PER3: variants seen among roughly 807,000 people sequenced by gnomAD.
PER3 encodes the protein period circadian regulator 3, also known as period circadian protein homolog 3.
PER3 carries 107 observed loss-of-function variants against 127.2 expected under a neutral mutation model. The observed-to-expected ratio is 0.84, with a 90% CI of 0.72 to 0.99. The LOEUF is 0.99. PER3 is among the 50% of genes least tolerant of loss of function. The pLI, the probability that PER3 is intolerant of heterozygous loss-of-function variation, is 0.00. For synonymous variants in PER3, 618 were observed against 585.8 expected (o/e 1.05, Z -0.79); for missense variants, 1,560 against 1,525.8 (o/e 1.02, Z -0.37).
At position 7,803,737 on chromosome 1, in the gene PER3, G is replaced by A. The variant is rs754761909; in HGVS notation, c.1025G>A (p.Arg342Gln). ...GHPPFEHSPIRFCTQNGDYII... is the reference protein window; with the variant it reads ...GHPPFEHSPIQFCTQNGDYII... Reference sequence around the variant, plus strand: ...CCTCCCTTTGAACATTCTCCCATTCGATTTTGTACTCAAAACGGAGACTAC... The same window carrying A: ...CCTCCCTTTGAACATTCTCCCATTCAATTTTGTACTCAAAACGGAGACTAC... The change falls in exon 10 of 22, where the codon CGA becomes CAA. Residue 342 changes from arginine to glutamine, a missense_variant. This residue lies in a region of PER3 where 1,332 missense variants were observed against 1,223.6 expected (regional missense o/e 1.09). Transcript: ENST00000377532. 1.4e-5 allele frequency: 23 copies of A among 1,609,332 alleles called. No homozygotes were observed. Among genetic ancestry groups the A allele is most frequent in the East Asian group, 4.5e-5 (2 of 44,864 alleles).
At chr1:7,812,260 C>T (rs1303203792) in intron 13 of PER3, among the ~76,000 whole-genome samples, 7 of 128,570 alleles carry the variant, frequency 5.4e-5, no homozygotes, top group African/African-American at 1.0e-4. Context: ...GTAATGCCAT[C>T]GGTACTATTT....
intron 13 of PER3, among the ~76,000 whole-genome samples, chr1:7,811,092 T>C (rs2097217284): frequency 6.6e-6 from 1 of 152,224 alleles, no homozygotes; most frequent in African/African-American, 2.4e-5. Context: ...GTAGTAAAAC[T>C]GGCATCATAT....
chr1:7,809,921 A>G lies in PER3; in HGVS notation c.1271A>G (p.Tyr424Cys). 1.2e-6 allele frequency: 2 copies of G among 1,614,138 alleles called. No individual in the cohort carries two copies. Among genetic ancestry groups the G allele is most frequent in the Non-Finnish European group, 1.7e-6 (2 of 1,179,998 alleles). The change falls in exon 12 of 22, where the codon TAC becomes TGC. Residue 424 changes from tyrosine (Y) to cysteine (C), a missense_variant. Tyr to Cys is a radical substitution (Grantham distance 194). Coordinates refer to ENST00000377532, the MANE Select transcript of PER3 (RefSeq NM_001377275.1). ...QPVHVSVSSG[Y>C]GSLGSSGSQE... is the part of the protein sequence containing the mutation. Reference sequence around the variant, plus strand: ...GTTCACGTGAGCGTGTCCAGCGGCTACGGGAGCCTGGGGAGCAGCGGGTCG... The same window carrying G: ...GTTCACGTGAGCGTGTCCAGCGGCTGCGGGAGCCTGGGGAGCAGCGGGTCG...
chr1:7,791,170 G>A (rs1164490237), intron 5 of PER3, among the ~76,000 whole-genome samples: 2 of 151,962 alleles, frequency 1.3e-5, no homozygotes, highest in Non-Finnish European at 2.9e-5. Flanking sequence ...ATCTCTCTTA[G>A]CAGAGGTTCT....
chr1:7,826,787 G>A lies in PER3; in HGVS notation c.2188+77G>A. On this transcript the variant is annotated intron_variant, in intron 17 of 21. Coordinates refer to ENST00000377532, the MANE Select transcript of PER3 (RefSeq NM_001377275.1). This position sits in a 1 kb window ranked among gnomAD's most constrained non-coding sequence, Gnocchi z 4.2. ...CTGTATCTAAGGACTAGGAGATAAG[G>A]AGTGAACAATAGGAGTTTTACTTGT... is the stretch of plus-strand genomic sequence containing the variant. 1.2e-6 allele frequency: 1 copy of A among 854,170 alleles called. No homozygotes were observed. The highest frequency in any genetic ancestry group is 1.5e-5 in the South Asian group (1 of 67,596). 52.9% of individuals were successfully genotyped at this position (854,170 alleles called of 1,614,324 possible).
rs546798928 is a variant in PER3, at chr1:7,804,497, C to T, written c.1136+649C>T. Among the ~76,000 whole-genome samples, 4 of 151,052 alleles carry T rather than the reference C, an allele frequency of 2.6e-5. No homozygotes were observed. In the East Asian group the frequency reaches 7.8e-4, roughly 30 times the overall value. ...TCAGTGCAGCCTTAACCTCCCCTGG[C>T]TCAGGTGATCCTCCCACTTCAGCCT... On this transcript the variant is annotated intron_variant, in intron 10 of 21. Coordinates refer to ENST00000377532, the MANE Select transcript of PER3 (RefSeq NM_001377275.1).
In PER3 at chr1:7,826,409, C is replaced by T; in HGVS notation, c.1958-71C>T. Reference sequence around the variant, plus strand: ...ATGTTTGTAAAAATGTATCAAAAGGCAGTTAACAAAGTAAAATAAATACAA... The same window carrying T: ...ATGTTTGTAAAAATGTATCAAAAGGTAGTTAACAAAGTAAAATAAATACAA... On this transcript the variant is annotated intron_variant, in intron 16 of 21. Coordinates refer to ENST00000377532, the MANE Select transcript of PER3 (RefSeq NM_001377275.1). This position sits in a 1 kb window ranked among gnomAD's most constrained non-coding sequence, Gnocchi z 4.2. 1.2e-6 allele frequency: 1 copy of T among 820,168 alleles called. No individual in the cohort carries two copies. Among genetic ancestry groups the T allele is most frequent in the Non-Finnish European group, 2.0e-6 (1 of 489,274 alleles). 50.8% of individuals were successfully genotyped at this position (820,168 alleles called of 1,614,324 possible). A position where few individuals can be genotyped will look rare whatever the true frequency, so the allele number is the denominator to read the frequency against.
At chr1:7,820,367 G>C in intron 15 of PER3, 100 bp from the exon 16 acceptor site, 2 of 1,411,444 alleles carry the variant, frequency 1.4e-6, no homozygotes, top group East Asian at 4.7e-5. Context: ...TGACAGTAAG[G>C]TTTAATTTCT....
At chr1:7,830,916 A>G (rs2097328675) in intron 19 of PER3, among the ~76,000 whole-genome samples, 1 of 152,196 alleles carries the variant, frequency 6.6e-6, no homozygotes, top group Non-Finnish European at 1.5e-5. Flanking sequence ...AAGTCCTTCA[A>G]CTTAATTCTT....
At position 7,784,730 on chromosome 1, in the gene PER3, C is replaced by CCA; in HGVS notation, c.-147_-146insAC. Reference sequence around the variant, plus strand: ...AAAAGCTCCTCGGAGATGAGCGTGACCCCCTGGCTCGTGGTGGCCGCCTGT... The same window carrying CCA: ...AAAAGCTCCTCGGAGATGAGCGTGACCACCCCTGGCTCGTGGTGGCCGCCTGT... On this transcript the variant is annotated 5_prime_UTR_variant, in exon 2 of 22. The change abolishes the stop of an existing upstream ORF in the 5' untranslated region. Transcript: ENST00000377532. The CCA allele has an allele frequency of 1.3e-6, 1 of 744,216 alleles. No individual in the cohort carries two copies. Among genetic ancestry groups the CCA allele is most frequent in the Non-Finnish European group, 2.0e-6 (1 of 510,484 alleles). 46.1% of individuals were successfully genotyped at this position (744,216 alleles called of 1,614,324 possible). A position where few individuals can be genotyped will look rare whatever the true frequency, so the allele number is the denominator to read the frequency against.
intron 4 of PER3, chr1:7,787,632 G>A (rs1029539007): frequency 1.3e-5 from 4 of 299,046 alleles, no homozygotes; most frequent in South Asian, 1.2e-4. Flanking sequence ...GAAAAAATTA[G>A]AGCAGTGATG....
rs745794602 is a variant in PER3, at chr1:7,827,443, C to G, written c.2514C>G (p.Ser838=). ...AAGGCCTGCATGGGCTGCCCTTGTC[C>G]GAGGGCTTGCAGCCTTACCCAGCTT... The part of the protein sequence containing the change: ...APEGLHGLPL[S]EGLQPYPAFP... The change falls in exon 18 of 22, where the codon TCC becomes TCG. Residue 838 remains serine, a synonymous_variant. Coordinates refer to ENST00000377532, the MANE Select transcript of PER3 (RefSeq NM_001377275.1). The G allele has an allele frequency of 2.5e-6, 4 of 1,614,212 alleles. No individual in the cohort carries two copies. Among genetic ancestry groups the G allele is most frequent in the Non-Finnish European group, 3.4e-6 (4 of 1,180,022 alleles).
chr1:7,799,628 AAAG>A (rs2097161371), intron 7 of PER3, among the ~76,000 whole-genome samples: 1 of 151,994 alleles, frequency 6.6e-6, no homozygotes, highest in Non-Finnish European at 1.5e-5. Flanking sequence ...AAAAAAAAAA[AAAG>A]ATAATCATTT....
chr1:7,786,821 C>T lies in PER3; in HGVS notation c.375C>T (p.His125=), dbSNP rs750564508. 4 of 1,595,202 alleles carry T rather than the reference C, an allele frequency of 2.5e-6. No individual in the cohort carries two copies. The East Asian group carries it at 8.9e-5, about 36-fold the overall frequency. ...AGCTGGCCACTATCGCTTCAGAACA[C>T]ACTTCCAAAAACACAGTAAGAATTC... ...LEELATIASE[H]TSKNTDTFVA... The change falls in exon 4 of 22, where the codon CAC becomes CAT. Residue 125 remains histidine (H), a synonymous_variant. Transcript: ENST00000377532.
intron 13 of PER3, among the ~76,000 whole-genome samples, chr1:7,815,388 T>C (rs193028839): frequency 6.6e-6 from 1 of 152,272 alleles, no homozygotes; most frequent in African/African-American, 2.4e-5. Flanking sequence ...AGAAAAGATA[T>C]ACCATGCTAA....
intron 19 of PER3, among the ~76,000 whole-genome samples, chr1:7,832,173 T>C (rs2097334216): frequency 6.6e-6 from 1 of 152,126 alleles, no homozygotes; most frequent in Non-Finnish European, 1.5e-5. Flanking sequence ...GCATAAAGTT[T>C]TTAATATTCC....
chr1:7,795,054 A>G (rs915377748), intron 6 of PER3, among the ~76,000 whole-genome samples: 27 of 152,088 alleles, frequency 1.8e-4, no homozygotes, highest in African/African-American at 5.1e-4. Context: ...ATATTCCAGT[A>G]CTCCATGGAA....
intron 5 of PER3, among the ~76,000 whole-genome samples, chr1:7,793,457 C>T (rs1292577390): frequency 6.6e-6 from 1 of 152,072 alleles, no homozygotes; most frequent in African/African-American, 2.4e-5. Flanking sequence ...AGTCATAAAA[C>T]GATTCTATCA....
In PER3 at chr1:7,815,173, G is replaced by A. The variant is rs565485353; in HGVS notation, c.1523-4112G>A. Reference sequence around the variant, plus strand: ...AACAAACAGAAAACAGCTAGTGGCTGGCATATTTTAATCCAGCAACATCAG... The same window carrying A: ...AACAAACAGAAAACAGCTAGTGGCTAGCATATTTTAATCCAGCAACATCAG... On this transcript the variant is annotated intron_variant, in intron 13 of 21. Transcript: ENST00000377532. Among the ~76,000 whole-genome samples the A allele has an allele frequency of 9.2e-5, 14 of 152,156 alleles. No individual in the cohort carries two copies. In the South Asian group the frequency reaches 2.9e-3, roughly 32 times the overall value.
Sources: gnomAD v4.1 joint callset for allele counts (sites outside exome capture counted in the v4.1 genomes callset) on GRCh38, gnomAD v4.1.1 for gene constraint, gnomAD v4.1.1 regional missense constraint, Gnocchi (gnomAD v3.1) non-coding constraint, MANE v1.5 for transcripts, NCBI Gene and HGNC (gene_info 2026-07-23, HGNC 2026-07-21) for gene names.